Variants in PLAGL1 observed in about 807,000 individuals in gnomAD.
PLAGL1 encodes the protein PLAG1 like zinc finger 1, also known as zinc finger protein PLAGL1.
PLAGL1 carries 1 observed loss-of-function variant against 4.6 expected under a neutral mutation model. The observed-to-expected ratio is 0.22, with a 90% CI of 0.08 to 1.03. The LOEUF is 1.03. Ranked by LOEUF, PLAGL1 falls within the 50% of genes least tolerant of loss-of-function variation. The probability of loss-of-function intolerance (pLI) is 0.58; values close to 1 mark genes in which losing one functional copy is unlikely to be tolerated. For synonymous variants in PLAGL1, 240 were observed against 237.8 expected (o/e 1.01, Z -0.08); for missense variants, 464 against 570.4 (o/e 0.81, Z 1.90).
At chr6:144,028,114 G>A (rs949878482) in intron 1 of PLAGL1, among the ~76,000 whole-genome samples, 1 of 152,088 alleles carries the variant, frequency 6.6e-6, no homozygotes, top group African/African-American at 2.4e-5. Context: ...GGCTTCCTTT[G>A]TGAGGTTAAT....
rs1470645974 is a variant in PLAGL1, at chr6:144,059,402, C to G, written c.-151+5066G>C. Among the ~76,000 whole-genome samples the G allele has an allele frequency of 6.6e-6, 1 of 152,186 alleles. No homozygotes were observed. The highest frequency in any genetic ancestry group is 6.5e-5 in the Admixed American group (1 of 15,278). Reference sequence around the variant, plus strand: ...CAGACCTACAGGTCTTGCTAAGGTTCCTCCACCAACTGGGCAGGATTCAGG... The same window carrying G: ...CAGACCTACAGGTCTTGCTAAGGTTGCTCCACCAACTGGGCAGGATTCAGG... On this transcript the variant is annotated intron_variant, in intron 1 of 3. Coordinates refer to the PLAGL1 transcript ENST00000437412. The surrounding 1 kb of genome is among the most constrained non-coding windows in gnomAD (Gnocchi z 4.9).
chr6:144,005,874 T>C lies in PLAGL1; in HGVS notation c.-584+2216A>G, dbSNP rs1794062482. On this transcript the variant is annotated intron_variant, in intron 1 of 7. Transcript: ENST00000674357. This position sits in a 1 kb window ranked among gnomAD's most constrained non-coding sequence, Gnocchi z 4.6. ...AACTGAGGAACAGAAATTATTGAGG[T>C]AAATACAATATGTTAGCATTTTAAA... 6.6e-6 allele frequency: 1 copy of C among 152,018 alleles called. No homozygotes were observed. The highest frequency in any genetic ancestry group is 6.6e-5 in the Admixed American group (1 of 15,266). 9.4% of individuals were successfully genotyped at this position (152,018 alleles called of 1,614,324 possible). A position where few individuals can be genotyped will look rare whatever the true frequency, so the allele number is the denominator to read the frequency against.
In PLAGL1 at chr6:144,061,090, G is replaced by T. The variant is rs1799355438; in HGVS notation, c.-151+3378C>A. On this transcript the variant is annotated intron_variant, in intron 1 of 3. Transcript: ENST00000437412. This position sits in a 1 kb window ranked among gnomAD's most constrained non-coding sequence, Gnocchi z 4.4. Reference sequence around the variant, plus strand: ...TTTTCAAAGAAATTTACAATTGGAAGTGGAAAGGTACTGGGTGACAGTGTG... The same window carrying T: ...TTTTCAAAGAAATTTACAATTGGAATTGGAAAGGTACTGGGTGACAGTGTG... 1.3e-5 allele frequency among the ~76,000 whole-genome samples: 2 copies of T among 152,246 alleles called. No homozygotes were observed. Among genetic ancestry groups the T allele is most frequent in the Admixed American group, 1.3e-4 (2 of 15,292 alleles).
rs772136403 is a variant in PLAGL1 at position 143,941,976 on chromosome 6, C to T, written c.840G>A (p.Glu280=). The change falls in exon 8 of 8, where the codon GAG becomes GAA. Residue 280 remains glutamate (E), a synonymous_variant. Coordinates refer to ENST00000674357, the MANE Select transcript of PLAGL1 (RefSeq NM_001317162.2). The surrounding 1 kb of genome is among the most constrained non-coding windows in gnomAD (Gnocchi z 6.0). The stretch of plus-strand genomic sequence containing the variant: ...CCGAGGGGTGGAGGGAGGCCAGGGA[C>T]TCTGGCAGCGGCTGCATAGGCTGGG... ...QAAQPMQPLP[E]SLASLHPSVS... 7 of 1,595,774 alleles carry T rather than the reference C, an allele frequency of 4.4e-6. No individual in the cohort carries two copies. The Admixed American group carries it at 1.0e-4, about 23-fold the overall frequency.
intron 1 of PLAGL1, among the ~76,000 whole-genome samples, chr6:144,026,962 A>C (rs1434425393): frequency 6.6e-6 from 1 of 152,176 alleles, no homozygotes; most frequent in African/African-American, 2.4e-5. Flanking sequence ...CTGTAATCAC[A>C]GCACTTTGGA....
At chr6:143,998,064 C>T (rs556574995) in intron 1 of PLAGL1, among the ~76,000 whole-genome samples, 239 of 152,228 alleles carry the variant, frequency 1.6e-3, no homozygotes, top group African/African-American at 5.3e-3. Flanking sequence ...AAAACAAACA[C>T]CAAGCAAAGT....
chr6:143,961,546 A>C lies in PLAGL1; in HGVS notation c.-398-1004T>G, dbSNP rs1190234466. On this transcript the variant is annotated intron_variant, in intron 5 of 7. Coordinates refer to ENST00000674357, the MANE Select transcript of PLAGL1 (RefSeq NM_001317162.2). The surrounding 1 kb of genome is among the most constrained non-coding windows in gnomAD (Gnocchi z 6.5). ...ACTGTTTTTAACGTTAATGCATCAC[A>C]ATACAGGAAAATACTGGAGGTGAGC... The C allele has an allele frequency of 1.3e-5, 2 of 152,220 alleles. No homozygotes were observed. Among genetic ancestry groups the C allele is most frequent in the Non-Finnish European group, 2.9e-5 (2 of 68,032 alleles). The allele number at this position is 152,220 out of a possible 1,614,324, so 9.4% of individuals were successfully genotyped here.
chr6:144,002,691 CA>C (rs991032792), intron 1 of PLAGL1, among the ~76,000 whole-genome samples: 1 of 151,584 alleles, frequency 6.6e-6, no homozygotes, highest in African/African-American at 2.4e-5. Flanking sequence ...ACAACAGCAT[CA>C]AAAAAACATT....
upstream of PLAGL1, among the ~76,000 whole-genome samples, chr6:144,012,882 G>T (rs1044540390): frequency 2.0e-5 from 3 of 152,152 alleles, no homozygotes; most frequent in Non-Finnish European, 4.4e-5. The surrounding 1 kb of genome is among the most constrained non-coding windows in gnomAD (Gnocchi z 4.8). Flanking sequence ...TTGTGTAAGG[G>T]GCAGATGCTC....
chr6:143,978,346 T>A lies in PLAGL1; in HGVS notation c.-544+6789A>T, dbSNP rs1329482660. Among the ~76,000 whole-genome samples the A allele has an allele frequency of 1.3e-5, 2 of 152,158 alleles. No individual in the cohort carries two copies. Among genetic ancestry groups the A allele is most frequent in the Admixed American group, 1.3e-4 (2 of 15,270 alleles). On this transcript the variant is annotated intron_variant, in intron 2 of 7. Coordinates refer to ENST00000674357, the MANE Select transcript of PLAGL1 (RefSeq NM_001317162.2). The surrounding 1 kb of genome is among the most constrained non-coding windows in gnomAD (Gnocchi z 4.6). ...ATTTTGAAGCACTGTTTCAGCTGTA[T>A]CCCACATGGTTTCATAAACTGTATT... is the stretch of plus-strand genomic sequence containing the variant.
Position 143,989,614 on chromosome 6 carries a change from G to A in PLAGL1, c.-583-4440C>T, listed in dbSNP as rs1381781043. ...AGAATCACACCACCAGCTTTCCCGA[G>A]TCTCCAGCTTGCAGACAGTTGACTG... On this transcript the variant is annotated intron_variant, in intron 1 of 7. Transcript: ENST00000674357. The surrounding 1 kb of genome is among the most constrained non-coding windows in gnomAD (Gnocchi z 4.8). Among the ~76,000 whole-genome samples, 1 of 152,198 alleles carries A rather than the reference G, an allele frequency of 6.6e-6. No individual in the cohort carries two copies. The highest frequency in any genetic ancestry group is 1.5e-5 in the Non-Finnish European group (1 of 68,042).
intron 1 of PLAGL1, among the ~76,000 whole-genome samples, chr6:144,032,976 C>T (rs1056293550): frequency 1.3e-5 from 2 of 152,172 alleles, no homozygotes; most frequent in African/African-American, 4.8e-5. Flanking sequence ...TTCTATATGG[C>T]ATGATAAGTG....
intron 1 of PLAGL1, among the ~76,000 whole-genome samples, chr6:144,062,470 CAAAAA>C (rs543521128): frequency 2.0e-3 from 155 of 75,716 alleles, no homozygotes; most frequent in East Asian, 9.9e-3. Flanking sequence ...GTTATCAGAC[CAAAAA>C]AAAAAAAAAA....
Position 143,973,683 on chromosome 6 carries a change from T to C in PLAGL1, c.-543-4705A>G, listed in dbSNP as rs1057150296. Among the ~76,000 whole-genome samples, 2 of 152,238 alleles carry C rather than the reference T, an allele frequency of 1.3e-5. No homozygotes were observed. Among genetic ancestry groups the C allele is most frequent in the African/African-American group, 4.8e-5 (2 of 41,466 alleles). On this transcript the variant is annotated intron_variant, in intron 2 of 7. Transcript: ENST00000674357. This position sits in a 1 kb window ranked among gnomAD's most constrained non-coding sequence, Gnocchi z 6.2. Reference sequence around the variant, plus strand: ...TTATTCTCAATCGAATGGTTCGTTCTAATAGCCAGAGGAAGATGGCTATAC... The same window carrying C: ...TTATTCTCAATCGAATGGTTCGTTCCAATAGCCAGAGGAAGATGGCTATAC...
In PLAGL1 at chr6:144,016,567, A is replaced by G. The variant is rs572072547; in HGVS notation, c.-150-47589T>C. 1.3e-5 allele frequency among the ~76,000 whole-genome samples: 2 copies of G among 152,330 alleles called. No homozygotes were observed. Among genetic ancestry groups the G allele is most frequent in the East Asian group, 3.9e-4 (2 of 5,194 alleles). On this transcript the variant is annotated intron_variant, in intron 1 of 3. Coordinates refer to the PLAGL1 transcript ENST00000437412. This position sits in a 1 kb window ranked among gnomAD's most constrained non-coding sequence, Gnocchi z 4.2. ...CATTCATAGGAAATTTTAGAAACAC[A>G]AAATTATAGTCTTTCTAAAGCAGAT...
At chr6:144,049,362 TACCCC>T (rs1014102880) in intron 1 of PLAGL1, among the ~76,000 whole-genome samples, 12 of 152,238 alleles carry the variant, frequency 7.9e-5, no homozygotes, top group African/African-American at 2.9e-4. Context: ...TTTATAGCAA[TACCCC>T]ACTACCTTGG....
rs79974145 is a variant in PLAGL1, at chr6:144,054,163, A to C, written c.-151+10305T>G. On this transcript the variant is annotated intron_variant, in intron 1 of 3. Transcript: ENST00000437412. ...TATATGCTCACTTAACAAACAATACAAAAGTATATAAAGTAAAAACTGAAA... is the reference window on the plus strand; with the variant it reads ...TATATGCTCACTTAACAAACAATACCAAAGTATATAAAGTAAAAACTGAAA... Among the ~76,000 whole-genome samples, 72 of 152,340 alleles carry C rather than the reference A, an allele frequency of 4.7e-4. 1 individual carries two copies. The East Asian group carries it at 0.014, about 29-fold the overall frequency.
chr6:144,013,116 C>CT (rs1193804253), upstream of PLAGL1, among the ~76,000 whole-genome samples: 1 of 152,196 alleles, frequency 6.6e-6, no homozygotes, highest in Non-Finnish European at 1.5e-5. This position sits in a 1 kb window ranked among gnomAD's most constrained non-coding sequence, Gnocchi z 4.4. Context: ...CATAATCACA[C>CT]TTTTTCTCTA....
chr6:143,959,102 G>A lies in PLAGL1; in HGVS notation c.-325+1367C>T, dbSNP rs1782801218. On this transcript the variant is annotated intron_variant, in intron 6 of 7. Transcript: ENST00000674357. This position sits in a 1 kb window ranked among gnomAD's most constrained non-coding sequence, Gnocchi z 5.3. ...GCTGCTCTGCGCTCCCCGTCGCCCC[G>A]GAGGCCGGCACCTTGCTCACAATAA... Among the ~76,000 whole-genome samples the A allele has an allele frequency of 6.6e-6, 1 of 152,140 alleles. No homozygotes were observed. The highest frequency in any genetic ancestry group is 2.4e-5 in the African/African-American group (1 of 41,444).
Sources: gnomAD v4.1 joint callset for allele counts (sites outside exome capture counted in the v4.1 genomes callset) on GRCh38, gnomAD v4.1.1 for gene constraint, Gnocchi (gnomAD v3.1) non-coding constraint, MANE v1.5 for transcripts, NCBI Gene and HGNC (gene_info 2026-07-23, HGNC 2026-07-21) for gene names.